Variants in CSMD1 observed in about 807,000 individuals in gnomAD.
CSMD1 encodes the protein CUB and sushi domain-containing protein 1.
Under a neutral mutation model 417.5 loss-of-function variants are expected in CSMD1, and 213 were observed. That is an observed-to-expected ratio of 0.51 (90% confidence interval 0.46 to 0.57). The LOEUF (loss-of-function observed/expected upper bound fraction) is 0.57. CSMD1 is among the 20% of genes least tolerant of loss of function. The pLI is 0.00. For synonymous variants in CSMD1, 2,862 were observed against 1,736.8 expected, an observed-to-expected ratio of 1.65 and a Z score of -16.11; for missense variants, 6,923 against 4,529.7, an observed-to-expected ratio of 1.53 and a Z score of -15.17.
intron 51 of CSMD1, among the ~76,000 whole-genome samples, chr8:3,027,980 A>G (rs1460677662): frequency 6.6e-6 from 1 of 152,182 alleles, no homozygotes; most frequent in Non-Finnish European, 1.5e-5. Context: ...AGTTGTGAGC[A>G]TGGAAGATTG....
chr8:4,979,629 C>A (rs1268019048), intron 1 of CSMD1, among the ~76,000 whole-genome samples: 1 of 152,168 alleles, frequency 6.6e-6, no homozygotes, highest in Non-Finnish European at 1.5e-5. Context: ...TCTAATTGTT[C>A]TAATTGGAGC....
chr8:4,356,413 C>T (rs932222533), intron 3 of CSMD1, among the ~76,000 whole-genome samples: 2 of 152,114 alleles, frequency 1.3e-5, no homozygotes, highest in African/African-American at 2.4e-5. Context: ...TTGCAATTGT[C>T]AATTGTGCTA....
intron 1 of CSMD1, among the ~76,000 whole-genome samples, chr8:4,854,838 G>A (rs1379955924): frequency 6.6e-6 from 1 of 152,204 alleles, no homozygotes; most frequent in East Asian, 1.9e-4. Context: ...GGCTGGGGGA[G>A]GGGCGCCCGC....
At chr8:3,861,390 T>C (rs191443848) in intron 5 of CSMD1, among the ~76,000 whole-genome samples, 112 of 152,342 alleles carry the variant, frequency 7.4e-4, no homozygotes, top group Non-Finnish European at 1.4e-3. Context: ...GACAGCATTG[T>C]TCATGGTGAA....
chr8:4,295,249 TA>T (rs1797605617), intron 3 of CSMD1, among the ~76,000 whole-genome samples: 1 of 114,818 alleles, frequency 8.7e-6, no homozygotes, highest in East Asian at 2.6e-4. Flanking sequence ...CATATAATCT[TA>T]AGATTTTCTA....
intron 5 of CSMD1, among the ~76,000 whole-genome samples, chr8:3,960,564 G>A (rs116570386): frequency 0.015 from 2,213 of 152,028 alleles, 56 homozygotes; most frequent in African/African-American, 0.051. Flanking sequence ...TTAGTCTTGA[G>A]GATTTAATTA....
intron 5 of CSMD1, among the ~76,000 whole-genome samples, chr8:3,823,344 C>T (rs913457827): frequency 6.6e-6 from 1 of 152,152 alleles, no homozygotes; most frequent in Non-Finnish European, 1.5e-5. Context: ...ACCCAGTACT[C>T]TCATTTTTAA....
At chr8:3,814,530 C>A (rs979455952) in intron 5 of CSMD1, among the ~76,000 whole-genome samples, 1 of 152,170 alleles carries the variant, frequency 6.6e-6, no homozygotes, top group African/African-American at 2.4e-5. Flanking sequence ...TTGGCACTAC[C>A]TGGAGACGCC....
At chr8:4,672,071 G>C (rs1805366199) in intron 1 of CSMD1, among the ~76,000 whole-genome samples, 1 of 152,170 alleles carries the variant, frequency 6.6e-6, no homozygotes, top group Admixed American at 6.5e-5. Context: ...GAAAGATAGA[G>C]TTTCCTTTAA....
chr8:3,859,809 G>T (rs183116974), intron 5 of CSMD1, among the ~76,000 whole-genome samples: 152 of 152,224 alleles, frequency 1.0e-3, no homozygotes, highest in Non-Finnish European at 1.8e-3. Context: ...TCCTGATTCC[G>T]CAGGGAACAG....
At chr8:3,452,527 G>C (rs1305379613) in intron 12 of CSMD1, among the ~76,000 whole-genome samples, 1 of 152,160 alleles carries the variant, frequency 6.6e-6, no homozygotes, top group Admixed American at 6.6e-5. Flanking sequence ...TTAGCATGAA[G>C]TGTTGTTGAA....
intron 3 of CSMD1, among the ~76,000 whole-genome samples, chr8:4,284,344 G>C (rs988089661): frequency 6.6e-6 from 1 of 152,034 alleles, no homozygotes; most frequent in Non-Finnish European, 1.5e-5. Context: ...CTCCAGCCTG[G>C]GGGACAAGAG....
At chr8:3,853,507 T>A (rs1309839677) in intron 5 of CSMD1, among the ~76,000 whole-genome samples, 1 of 152,188 alleles carries the variant, frequency 6.6e-6, no homozygotes, top group Non-Finnish European at 1.5e-5. Flanking sequence ...TTCTCAAGCA[T>A]CAATATGACT....
intron 2 of CSMD1, among the ~76,000 whole-genome samples, chr8:4,505,515 T>C (rs1802475276): frequency 6.6e-6 from 1 of 152,216 alleles, no homozygotes; most frequent in Non-Finnish European, 1.5e-5. Context: ...TAATTTAATT[T>C]TTCTGATTCC....
chr8:4,145,754 A>AT (rs1804073764), intron 3 of CSMD1, among the ~76,000 whole-genome samples: 1 of 151,020 alleles, frequency 6.6e-6, no homozygotes, highest in Non-Finnish European at 1.5e-5. Flanking sequence ...GTCAACACTG[A>AT]TTCCCTGCAG....
Position 4,914,078 on chromosome 8 carries a change from G to C in CSMD1, c.85+80254C>G, listed in dbSNP as rs551447662. Among the ~76,000 whole-genome samples, 9 of 152,232 alleles carry C rather than the reference G, an allele frequency of 5.9e-5. No individual in the cohort carries two copies. The South Asian group carries it at 1.0e-3, about 18-fold the overall frequency. On this transcript the variant is annotated intron_variant, in intron 1 of 69. Coordinates refer to ENST00000635120, the MANE Select transcript of CSMD1 (RefSeq NM_033225.6). ...CTTAGTACGATACCTAAATTACTCA[G>C]AGAGGAAGATTTTACATTTATGGAT...
chr8:4,495,550 G>A (rs1464693390), intron 2 of CSMD1, among the ~76,000 whole-genome samples: 1 of 151,778 alleles, frequency 6.6e-6, no homozygotes, highest in Non-Finnish European at 1.5e-5. Flanking sequence ...ACTCTAGCCT[G>A]GGTGACAGAG....
intron 3 of CSMD1, among the ~76,000 whole-genome samples, chr8:4,381,572 C>T (rs1007737093): frequency 2.6e-5 from 4 of 151,966 alleles, no homozygotes; most frequent in African/African-American, 9.7e-5. Flanking sequence ...TGCAATTCTG[C>T]CCAAAAGCAA....
chr8:3,357,768 A>T (rs1348269), intron 21 of CSMD1, among the ~76,000 whole-genome samples: 1 of 151,916 alleles, frequency 6.6e-6, no homozygotes, highest in Admixed American at 6.6e-5. Flanking sequence ...AAAATACCGT[A>T]TTTTTTTTCT....
Sources: allele counts gnomAD v4.1 joint callset (sites outside exome capture counted in the v4.1 genomes callset), GRCh38; gene constraint gnomAD v4.1.1; transcripts MANE v1.5; gene names NCBI Gene and HGNC (gene_info 2026-07-23, HGNC 2026-07-21).